ECE1: variants seen among roughly 807,000 people sequenced by gnomAD.
ECE1 encodes the protein endothelin converting enzyme 1, also known as endothelin-converting enzyme 1.
Under a neutral mutation model 98.6 loss-of-function variants are expected in ECE1, and 35 were observed. The observed-to-expected ratio is 0.35, with a 90% confidence interval of 0.27 to 0.47. ECE1 has a LOEUF of 0.47. Ranked by LOEUF, ECE1 falls within the 20% of genes least tolerant of loss-of-function variation. ECE1 has a pLI of 1.00. For missense variants in ECE1, 814 were observed against 1,025.3 expected (o/e 0.79, Z 2.81); for synonymous variants, 394 against 407.1 (o/e 0.97, Z 0.39).
At chr1:21,332,480 G>A (rs1350215931) in intron 1 of ECE1, among the ~76,000 whole-genome samples, 3 of 149,294 alleles carry the variant, frequency 2.0e-5, no homozygotes. Flanking sequence ...CAGAAATAGA[G>A]GCTAAGAATT....
Position 21,233,720 on chromosome 1 carries a change from G to C in ECE1, c.1567-59C>G. 6.6e-7 allele frequency: 1 copy of C among 1,514,324 alleles called. No homozygotes were observed. Among genetic ancestry groups the C allele is most frequent in the Non-Finnish European group, 9.2e-7 (1 of 1,092,888 alleles). The allele number at this position is 1,514,324 out of a possible 1,614,324, so 93.8% of individuals were successfully genotyped here. On this transcript the variant is annotated intron_variant, in intron 13 of 18. Transcript: ENST00000374893. The surrounding 1 kb of genome is among the most constrained non-coding windows in gnomAD (Gnocchi z 4.0). ...GCCCTCGGTGGTGTGCATCTTCCAAGACAGGAAGCCAAGGGCTGTCATGGT... is the reference window on the plus strand; with the variant it reads ...GCCCTCGGTGGTGTGCATCTTCCAACACAGGAAGCCAAGGGCTGTCATGGT...
rs547486501 is a variant in ECE1, at chr1:21,327,582, CT to C, written c.3+17793del. 2.0e-5 allele frequency among the ~76,000 whole-genome samples: 3 copies of C among 152,294 alleles called. No homozygotes were observed. The highest frequency in any genetic ancestry group is 7.2e-5 in the African/African-American group (3 of 41,560). ...CACCCTGCTTGTTACACATTTTTGC[CT>C]TTTCTTACTTTGAGGGCACAAATGG... On this transcript the variant is annotated intron_variant, in intron 1 of 18. Transcript: ENST00000415912. This position sits in a 1 kb window ranked among gnomAD's most constrained non-coding sequence, Gnocchi z 4.6.
intron 1 of ECE1, among the ~76,000 whole-genome samples, chr1:21,315,789 CAAAAAAAA>C: frequency 2.1e-5 from 1 of 47,286 alleles, no homozygotes; most frequent in South Asian, 7.3e-4. Flanking sequence ...GACTCTGTCT[CAAAAAAAA>C]AAAAAAAAAA....
At chr1:21,280,919 C>T (rs374380403) in intron 2 of ECE1, among the ~76,000 whole-genome samples, 1 of 152,008 alleles carries the variant, frequency 6.6e-6, no homozygotes, top group Non-Finnish European at 1.5e-5. Flanking sequence ...CCGGGCACGG[C>T]GGCTCATGCC....
At chr1:21,332,591 G>A (rs995119413) in intron 1 of ECE1, among the ~76,000 whole-genome samples, 1 of 118,170 alleles carries the variant, frequency 8.5e-6, no homozygotes, top group African/African-American at 3.3e-5. Flanking sequence ...TTAGTCCAGG[G>A]GGAGGGGGGA....
In ECE1 at chr1:21,345,188, G is replaced by T; in HGVS notation, c.3+188C>A. The T allele has an allele frequency of 5.3e-6, 4 of 758,894 alleles. No individual in the cohort carries two copies. The highest frequency in any genetic ancestry group is 6.4e-5 in the South Asian group (1 of 15,744). The allele number at this position is 758,894 out of a possible 1,614,324, so 47.0% of individuals were successfully genotyped here. On this transcript the variant is annotated intron_variant, in intron 1 of 18. Coordinates refer to the ECE1 transcript ENST00000415912. This position sits in a 1 kb window ranked among gnomAD's most constrained non-coding sequence, Gnocchi z 5.1. Reference sequence around the variant, plus strand: ...CGACGGGACCAAGCGCAGCGCCGCCGGGAGAGCCGCGCTCTGCCCGGGCGC... The same window carrying T: ...CGACGGGACCAAGCGCAGCGCCGCCTGGAGAGCCGCGCTCTGCCCGGGCGC...
chr1:21,304,368 T>G lies in ECE1; in HGVS notation c.4-14212A>C, dbSNP rs1638552222. 2.0e-5 allele frequency among the ~76,000 whole-genome samples: 3 copies of G among 147,536 alleles called. No homozygotes were observed. In the South Asian group the frequency reaches 6.6e-4, roughly 33 times the overall value. On this transcript the variant is annotated intron_variant, in intron 1 of 18. Coordinates refer to the ECE1 transcript ENST00000415912. ...AGATACGCCAATGCTGGGACCACAT[T>G]CTCCACGTGGTGGCTGGGGCTGAGG...
Position 21,258,577 on chromosome 1 carries a change from A to G in ECE1, c.762+116T>C. 2.7e-6 allele frequency: 4 copies of G among 1,490,040 alleles called. No individual in the cohort carries two copies. Among genetic ancestry groups the G allele is most frequent in the Non-Finnish European group, 3.7e-6 (4 of 1,083,864 alleles). The allele number at this position is 1,490,040 out of a possible 1,614,324, so 92.3% of individuals were successfully genotyped here. On this transcript the variant is annotated intron_variant, in intron 6 of 18. Transcript: ENST00000374893. This position sits in a 1 kb window ranked among gnomAD's most constrained non-coding sequence, Gnocchi z 4.2. ...TGGAAATAACCCAGGCTCAGAAACT[A>G]GAAGACCGCCGTCCCACCCAGGGCA...
At chr1:21,300,419 C>T (rs933568622) in intron 1 of ECE1, among the ~76,000 whole-genome samples, 5 of 152,004 alleles carry the variant, frequency 3.3e-5, no homozygotes, top group East Asian at 1.9e-4. Flanking sequence ...GGCTTTGCAA[C>T]GGAAAGACTG....
intron 1 of ECE1, among the ~76,000 whole-genome samples, chr1:21,316,998 C>A (rs564240373): frequency 6.6e-6 from 1 of 152,106 alleles, no homozygotes; most frequent in African/African-American, 2.4e-5. Flanking sequence ...AGTATCAAGA[C>A]AGTCACTGAA....
At position 21,220,197 on chromosome 1, in the gene ECE1, A is replaced by G. The variant is rs964819217; in HGVS notation, c.2137-66T>C. On this transcript the variant is annotated intron_variant, in intron 18 of 18. Coordinates refer to ENST00000374893, the MANE Select transcript of ECE1 (RefSeq NM_001397.3). The surrounding 1 kb of genome is among the most constrained non-coding windows in gnomAD (Gnocchi z 5.0). Reference sequence around the variant, plus strand: ...GCCCTCGGGCTGCCAGACTGCCCCCATTATAACAGCAGGGGAGGCCAGGTG... The same window carrying G: ...GCCCTCGGGCTGCCAGACTGCCCCCGTTATAACAGCAGGGGAGGCCAGGTG... The G allele has an allele frequency of 9.7e-5, 150 of 1,543,558 alleles. No homozygotes were observed. The highest frequency in any genetic ancestry group is 1.2e-4 in the Non-Finnish European group (139 of 1,139,410).
At chr1:21,316,430 A>G (rs1638834320) in intron 1 of ECE1, among the ~76,000 whole-genome samples, 1 of 150,762 alleles carries the variant, frequency 6.6e-6, no homozygotes, top group Admixed American at 6.6e-5. Context: ...CACCACACTG[A>G]GCTAATTTTT....
chr1:21,286,163 T>C (rs2098260318), intron 2 of ECE1, among the ~76,000 whole-genome samples: 1 of 152,236 alleles, frequency 6.6e-6, no homozygotes, highest in African/African-American at 2.4e-5. Flanking sequence ...GACATGGCCA[T>C]CTGCTCCTCA....
intron 8 of ECE1, among the ~76,000 whole-genome samples, chr1:21,247,588 G>A (rs866018115): frequency 6.6e-6 from 1 of 152,178 alleles, no homozygotes; most frequent in Non-Finnish European, 1.5e-5. Flanking sequence ...ATGGAATGAG[G>A]ATGCAATGAG....
intron 8 of ECE1, among the ~76,000 whole-genome samples, chr1:21,251,339 C>G (rs957023858): frequency 6.6e-6 from 1 of 152,014 alleles, no homozygotes; most frequent in Non-Finnish European, 1.5e-5. Context: ...ATGATGAAAC[C>G]CTATCTCTGC....
At chr1:21,242,433 A>C (rs1267416135) in intron 10 of ECE1, among the ~76,000 whole-genome samples, 1 of 152,216 alleles carries the variant, frequency 6.6e-6, no homozygotes, top group African/African-American at 2.4e-5. Context: ...CAGATTAAAA[A>C]AACTGAGGCT....
intron 2 of ECE1, chr1:21,279,574 G>GT: frequency 2.1e-6 from 3 of 1,440,702 alleles, no homozygotes; most frequent in Non-Finnish European, 2.7e-6. Context: ...CGACAGGCTT[G>GT]TTTTTTTGTG....
At position 21,258,875 on chromosome 1, in the gene ECE1, G is replaced by A; in HGVS notation, c.616-36C>T. 1 of 1,613,010 alleles carries A rather than the reference G, an allele frequency of 6.2e-7. No homozygotes were observed. The highest frequency in any genetic ancestry group is 1.1e-5 in the South Asian group (1 of 90,988). ...GGAGAGCAGGCAGGGAGGTGATGAG[G>A]TGGCGGGGAGACCCAGATGTGAATT... On this transcript the variant is annotated intron_variant, in intron 5 of 18. Coordinates refer to ENST00000374893, the MANE Select transcript of ECE1 (RefSeq NM_001397.3). The surrounding 1 kb of genome is among the most constrained non-coding windows in gnomAD (Gnocchi z 4.2).
intron 1 of ECE1, among the ~76,000 whole-genome samples, chr1:21,334,362 CA>C (rs1231943444): frequency 6.6e-6 from 1 of 152,256 alleles, no homozygotes; most frequent in Non-Finnish European, 1.5e-5. Flanking sequence ...ACTGAACACT[CA>C]GGGGCGAAGG....
Sources: allele counts gnomAD v4.1 joint callset (sites outside exome capture counted in the v4.1 genomes callset), GRCh38; gene constraint gnomAD v4.1.1; non-coding constraint Gnocchi (gnomAD v3.1); transcripts MANE v1.5; gene names NCBI Gene and HGNC (gene_info 2026-07-23, HGNC 2026-07-21).